MTREX: variants seen among roughly 807,000 people sequenced by gnomAD.
The protein encoded by MTREX is Mtr4 exosome RNA helicase.
Under a neutral mutation model 135.4 loss-of-function variants are expected in MTREX, and 76 were observed. The observed-to-expected ratio is 0.56, with a 90% CI of 0.47 to 0.68. The LOEUF is 0.68. Ranked by LOEUF, MTREX falls within the 30% of genes least tolerant of loss-of-function variation. The probability of loss-of-function intolerance (pLI) is 0.00; values close to 1 mark genes in which losing one functional copy is unlikely to be tolerated. For missense variants in MTREX, 920 were observed against 1,262.1 expected (o/e 0.73, Z 4.11); for synonymous variants, 404 against 401.6 (o/e 1.01, Z -0.07).
intron 16 of MTREX, among the ~76,000 whole-genome samples, chr5:55,368,064 T>A (rs1443671094): frequency 6.6e-6 from 1 of 152,246 alleles, no homozygotes; most frequent in Admixed American, 6.5e-5. Context: ...ATGATAATGC[T>A]TATAATTAAT....
chr5:55,355,576 C>A (rs1298342645), intron 14 of MTREX, among the ~76,000 whole-genome samples: 1 of 152,180 alleles, frequency 6.6e-6, no homozygotes, highest in African/African-American at 2.4e-5. Context: ...AGGCTGGACC[C>A]TGGGGCAACC....
rs1234816112 is a variant in MTREX at position 55,310,560 on chromosome 5, A to C, written c.134+2413A>C. 2.0e-5 allele frequency among the ~76,000 whole-genome samples: 3 copies of C among 152,210 alleles called. No homozygotes were observed. The East Asian group carries it at 5.8e-4, about 29-fold the overall frequency. The stretch of plus-strand genomic sequence containing the variant: ...GAGGTGGAGGTTGCAGTGAGCCGAG[A>C]CTGTGCCACTGCACTCCAGCCTGGG... On this transcript the variant is annotated intron_variant, in intron 1 of 26. Coordinates refer to ENST00000230640, the MANE Select transcript of MTREX (RefSeq NM_015360.5).
At chr5:55,335,666 G>C (rs1417077373) in intron 5 of MTREX, among the ~76,000 whole-genome samples, 4 of 152,014 alleles carry the variant, frequency 2.6e-5, no homozygotes, top group Admixed American at 2.6e-4. Flanking sequence ...TTACTGTGGG[G>C]TTATAATAAG....
intron 18 of MTREX, among the ~76,000 whole-genome samples, chr5:55,382,592 T>A (rs1428414960): frequency 1.3e-5 from 2 of 152,122 alleles, no homozygotes. Flanking sequence ...TTTTTGAAAA[T>A]TTTTTATTAC....
chr5:55,412,451 A>C (rs1330916562), intron 23 of MTREX, among the ~76,000 whole-genome samples: 1 of 152,244 alleles, frequency 6.6e-6, no homozygotes, highest in Admixed American at 6.5e-5. Context: ...CCAGAGATGC[A>C]GCAGAAATGT....
chr5:55,405,851 A>G (rs1750796960), intron 22 of MTREX, among the ~76,000 whole-genome samples: 1 of 152,318 alleles, frequency 6.6e-6, no homozygotes, highest in East Asian at 1.9e-4. Flanking sequence ...TGAAATTGAG[A>G]AATTAGAAAA....
At chr5:55,403,776 C>T (rs1411831726) in intron 21 of MTREX, among the ~76,000 whole-genome samples, 2 of 152,230 alleles carry the variant, frequency 1.3e-5, no homozygotes, top group Non-Finnish European at 2.9e-5. Flanking sequence ...GACTACACAT[C>T]TGTTCATAGA....
At chr5:55,413,411 G>T (rs1174816319) in intron 23 of MTREX, among the ~76,000 whole-genome samples, 9 of 83,564 alleles carry the variant, frequency 1.1e-4, no homozygotes, top group African/African-American at 3.5e-4. Context: ...CATTCTTATA[G>T]TAATTTTATT....
chr5:55,374,713 T>C (rs972161711), intron 16 of MTREX, among the ~76,000 whole-genome samples: 1 of 152,218 alleles, frequency 6.6e-6, no homozygotes, highest in Non-Finnish European at 1.5e-5. Context: ...AGATAATTCC[T>C]AAACAGAAAA....
chr5:55,327,885 T>C (rs1749409200), intron 4 of MTREX, 107 bp downstream of exon 4: 4 of 822,432 alleles, frequency 4.9e-6, no homozygotes, highest in Admixed American at 2.4e-5. Context: ...TGTATATGTA[T>C]GTATCAAGAA....
intron 16 of MTREX, among the ~76,000 whole-genome samples, chr5:55,373,421 G>C (rs1209204815): frequency 6.6e-6 from 1 of 151,780 alleles, no homozygotes; most frequent in Admixed American, 6.6e-5. Flanking sequence ...GGGAACTTTT[G>C]GATAGCTAAA....
intron 2 of MTREX, among the ~76,000 whole-genome samples, chr5:55,323,730 C>G (rs1001692150): frequency 1.3e-5 from 2 of 152,128 alleles, no homozygotes; most frequent in Admixed American, 1.3e-4. Flanking sequence ...AGGAACACTT[C>G]TATAAATAAT....
intron 19 of MTREX, among the ~76,000 whole-genome samples, chr5:55,392,190 G>A (rs1046820348): frequency 3.9e-5 from 6 of 152,048 alleles, no homozygotes; most frequent in Non-Finnish European, 8.8e-5. Context: ...TCTCTGCTTG[G>A]TTAGTTTAAT....
At chr5:55,422,052 T>C (rs771753697) in intron 25 of MTREX, among the ~76,000 whole-genome samples, 1 of 152,156 alleles carries the variant, frequency 6.6e-6, no homozygotes, top group Non-Finnish European at 1.5e-5. Flanking sequence ...GTTAATAGTG[T>C]AAATAGTTCA....
Position 55,308,040 on chromosome 5 carries a change from G to C in MTREX, c.27G>C (p.Leu9=). 1 of 1,614,120 alleles carries C rather than the reference G, an allele frequency of 6.2e-7. No homozygotes were observed. The highest frequency in any genetic ancestry group is 8.5e-7 in the Non-Finnish European group (1 of 1,180,030). ...TGGCGGACGCATTCGGAGATGAGCT[G>C]TTCAGCGTGTTCGAGGGCGACTCGA... MADAFGDE[L]FSVFEGDSTT... The change falls in exon 1 of 27, where the codon CTG becomes CTC. Residue 9 remains leucine (L), a synonymous_variant. Coordinates refer to ENST00000230640, the MANE Select transcript of MTREX (RefSeq NM_015360.5).
chr5:55,397,541 C>G lies in MTREX; in HGVS notation c.2292+15C>G, dbSNP rs769029157. 6.7e-6 allele frequency: 10 copies of G among 1,483,336 alleles called. No homozygotes were observed. Among genetic ancestry groups the G allele is most frequent in the Non-Finnish European group, 9.3e-6 (10 of 1,073,750 alleles). 91.9% of individuals were successfully genotyped at this position (1,483,336 alleles called of 1,614,324 possible). On this transcript the variant is annotated intron_variant, in intron 20 of 26. Coordinates refer to ENST00000230640, the MANE Select transcript of MTREX (RefSeq NM_015360.5). Reference sequence around the variant, plus strand: ...AATCAATACAGGTATGTGTTAATTTCATAAGTTAAGTATAAATTTTATGTA... The same window carrying G: ...AATCAATACAGGTATGTGTTAATTTGATAAGTTAAGTATAAATTTTATGTA...
intron 1 of MTREX, among the ~76,000 whole-genome samples, chr5:55,320,981 G>A (rs1160879780): frequency 1.3e-5 from 2 of 152,106 alleles, no homozygotes; most frequent in Non-Finnish European, 2.9e-5. Flanking sequence ...TGCTGTTTCT[G>A]TTAAGCCAGA....
At chr5:55,354,824 C>T (rs1357256322) in intron 14 of MTREX, among the ~76,000 whole-genome samples, 1 of 152,180 alleles carries the variant, frequency 6.6e-6, no homozygotes, top group Non-Finnish European at 1.5e-5. Flanking sequence ...GGGTTCCAGC[C>T]TGGTTTGTGG....
At chr5:55,315,501 T>C (rs188402803) in intron 1 of MTREX, among the ~76,000 whole-genome samples, 39 of 152,242 alleles carry the variant, frequency 2.6e-4, no homozygotes, top group African/African-American at 9.4e-4. Flanking sequence ...TTTTGACAAA[T>C]ATTTGTAGTT....
Sources: allele counts gnomAD v4.1 joint callset (sites outside exome capture counted in the v4.1 genomes callset), GRCh38; gene constraint gnomAD v4.1.1; transcripts MANE v1.5; gene names NCBI Gene and HGNC (gene_info 2026-07-23, HGNC 2026-07-21).